The following ADAM2 variants were observed in gnomAD, a reference collection of about 807,000 sequenced individuals.
The protein encoded by ADAM2 is disintegrin and metalloproteinase domain-containing protein 2.
In ADAM2, 101 loss-of-function variants were observed where a neutral mutation model predicts 99.3. The ratio of observed to expected loss-of-function variants is 1.02; its 90% CI spans 0.87 to 1.20. The LOEUF (loss-of-function observed/expected upper bound fraction) is 1.20, where lower values mean the gene tolerates loss of function less well. Ranked by LOEUF, ADAM2 falls within the 50% of genes most tolerant of loss-of-function variation. The pLI, the probability that ADAM2 is intolerant of heterozygous loss-of-function variation, is 0.00. For missense variants in ADAM2, 948 were observed against 878.7 expected (o/e 1.08, Z -1.00); for synonymous variants, 323 against 287.6 (o/e 1.12, Z -1.25).
intron 10 of ADAM2, among the ~76,000 whole-genome samples, chr8:39,783,893 C>A (rs769477241): frequency 2.6e-5 from 4 of 151,420 alleles, no homozygotes; most frequent in African/African-American, 4.9e-5. Flanking sequence ...CGGGGTGAGT[C>A]AAGATCGCGC....
intron 6 of ADAM2, among the ~76,000 whole-genome samples, chr8:39,817,301 G>C (rs1804989458): frequency 6.6e-6 from 1 of 152,138 alleles, no homozygotes; most frequent in Non-Finnish European, 1.5e-5. Flanking sequence ...CATAGAAGTA[G>C]AGAGTGACAT....
At chr8:39,789,946 T>C (rs1278929663) in intron 7 of ADAM2, among the ~76,000 whole-genome samples, 1 of 151,808 alleles carries the variant, frequency 6.6e-6, no homozygotes, top group African/African-American at 2.4e-5. Context: ...TATTCTCAAC[T>C]TCATTGTGTA....
intron 2 of ADAM2, among the ~76,000 whole-genome samples, chr8:39,836,597 A>G (rs1474489835): frequency 6.6e-6 from 1 of 152,202 alleles, no homozygotes; most frequent in East Asian, 1.9e-4. Context: ...GGATTCTAGA[A>G]CTTAGTGAAA....
At chr8:39,814,357 T>C (rs1201051061) in intron 6 of ADAM2, among the ~76,000 whole-genome samples, 1 of 147,650 alleles carries the variant, frequency 6.8e-6, no homozygotes, top group Non-Finnish European at 1.5e-5. Context: ...AGACTCTGTC[T>C]CAGAAAAAAA....
At chr8:39,811,412 C>T (rs1804690346) in intron 6 of ADAM2, among the ~76,000 whole-genome samples, 2 of 152,174 alleles carry the variant, frequency 1.3e-5, no homozygotes, top group African/African-American at 4.8e-5. Flanking sequence ...AGGGAATCCT[C>T]CCTAACTCAT....
In ADAM2 at chr8:39,821,029, A is replaced by G. The variant is rs1204460316; in HGVS notation, c.486T>C (p.Asp162=). ...LYNEKDIESR[D]LSFKLQSVEP... Reference sequence around the variant, plus strand: ...CTACGCTTTGTAATTTAAAGGACAGATCTCTTGATTCAATATCCTTCTCAT... The same window carrying G: ...CTACGCTTTGTAATTTAAAGGACAGGTCTCTTGATTCAATATCCTTCTCAT... The change falls in exon 6 of 21, where the codon GAT becomes GAC. Residue 162 remains aspartate, a synonymous_variant. Coordinates refer to ENST00000265708, the MANE Select transcript of ADAM2 (RefSeq NM_001464.5). 1.2e-6 allele frequency: 2 copies of G among 1,601,786 alleles called. No individual in the cohort carries two copies. The highest frequency in any genetic ancestry group is 1.7e-6 in the Non-Finnish European group (2 of 1,172,718).
At chr8:39,788,777 A>T in intron 7 of ADAM2, 37 bp from the exon 8 acceptor site, 1 of 1,066,764 alleles carries the variant, frequency 9.4e-7, no homozygotes, top group Non-Finnish European at 1.3e-6. Context: ...ATAAATATAT[A>T]TTGCTTAACA....
intron 6 of ADAM2, among the ~76,000 whole-genome samples, chr8:39,810,058 AC>A (rs1804628602): frequency 1.3e-5 from 2 of 152,214 alleles, no homozygotes; most frequent in South Asian, 4.1e-4. Context: ...GCAGAGACAA[AC>A]ATAAGCTCAA....
At chr8:39,788,581 C>T (rs555565025) in intron 8 of ADAM2, 88 bp downstream of exon 8, 178 of 854,454 alleles carry the variant, frequency 2.1e-4, no homozygotes, top group African/African-American at 4.1e-4. Context: ...TGCCACACAA[C>T]GTGTGGATTC....
At chr8:39,808,655 C>G (rs188105267) in intron 7 of ADAM2, among the ~76,000 whole-genome samples, 1 of 152,260 alleles carries the variant, frequency 6.6e-6, no homozygotes, top group South Asian at 2.1e-4. Context: ...CAGTGGCTCA[C>G]GCATGTGGTC....
chr8:39,808,123 T>C (rs1414593079), intron 7 of ADAM2, among the ~76,000 whole-genome samples: 1 of 151,196 alleles, frequency 6.6e-6, no homozygotes, highest in Non-Finnish European at 1.5e-5. Flanking sequence ...GGCTTCACAT[T>C]GGAAAGGCTA....
intron 2 of ADAM2, among the ~76,000 whole-genome samples, chr8:39,834,707 C>T (rs1207235772): frequency 7.7e-6 from 1 of 129,244 alleles, no homozygotes; most frequent in Non-Finnish European, 1.6e-5. Context: ...TGCCCTCCAG[C>T]CTGGGCGACA....
chr8:39,822,227 T>C (rs941467918), intron 4 of ADAM2, among the ~76,000 whole-genome samples: 3 of 152,182 alleles, frequency 2.0e-5, no homozygotes, highest in Non-Finnish European at 4.4e-5. Flanking sequence ...ATACTTTATA[T>C]AATGAAGGTA....
At chr8:39,752,416 T>G (rs1237645280) in intron 16 of ADAM2, among the ~76,000 whole-genome samples, 1 of 151,914 alleles carries the variant, frequency 6.6e-6, no homozygotes, top group Non-Finnish European at 1.5e-5. Context: ...TGGTAGAAAA[T>G]TTTATGGCAT....
chr8:39,812,771 A>C, intron 6 of ADAM2, among the ~76,000 whole-genome samples: 1 of 152,246 alleles, frequency 6.6e-6, no homozygotes, highest in Non-Finnish European at 1.5e-5. Context: ...AATTAATTCA[A>C]GATGGATTAA....
At chr8:39,826,053 T>A (rs560829958) in intron 3 of ADAM2, among the ~76,000 whole-genome samples, 225 of 152,312 alleles carry the variant, frequency 1.5e-3, no homozygotes, top group African/African-American at 5.2e-3. Flanking sequence ...CTGTTTTCCT[T>A]CATTTCTTTT....
chr8:39,767,091 A>G (rs776931430), intron 13 of ADAM2, 48 bp from the exon 14 acceptor site: 2 of 1,599,578 alleles, frequency 1.3e-6, no homozygotes, highest in Admixed American at 1.7e-5. Flanking sequence ...ATGAGAATAC[A>G]TAAGCATAAT....
Position 39,755,924 on chromosome 8 carries a change from C to T in ADAM2, c.1614-13G>A, listed in dbSNP as rs756843027. The T allele has an allele frequency of 8.3e-6, 11 of 1,330,772 alleles. No individual in the cohort carries two copies. Among genetic ancestry groups the T allele is most frequent in the Middle Eastern group, 2.6e-4 (1 of 3,824 alleles). 82.4% of individuals were successfully genotyped at this position (1,330,772 alleles called of 1,614,324 possible). A position where few individuals can be genotyped will look rare whatever the true frequency, so the allele number is the denominator to read the frequency against. ...GCACTGCAGATTGCTATAATTTATCCACAAATAAAAATTATTAATTTTAAT... is the reference window on the plus strand; with the variant it reads ...GCACTGCAGATTGCTATAATTTATCTACAAATAAAAATTATTAATTTTAAT... On this transcript the variant is annotated splice_polypyrimidine_tract_variant and intron_variant, in intron 15 of 20. Coordinates refer to ENST00000265708, the MANE Select transcript of ADAM2 (RefSeq NM_001464.5).
At chr8:39,760,021 C>T (rs1199390967) in intron 15 of ADAM2, among the ~76,000 whole-genome samples, 1 of 152,140 alleles carries the variant, frequency 6.6e-6, no homozygotes, top group African/African-American at 2.4e-5. Context: ...CAACCGCCAT[C>T]ATGCCTGGCT....
Sources: allele counts gnomAD v4.1 joint callset (sites outside exome capture counted in the v4.1 genomes callset), GRCh38; gene constraint gnomAD v4.1.1; transcripts MANE v1.5; gene names NCBI Gene and HGNC (gene_info 2026-07-23, HGNC 2026-07-21).